The following LOC128125814 variants were observed in gnomAD, a reference collection of about 807,000 sequenced individuals.
the LOC128125814 span, among the ~76,000 whole-genome samples, chr12:57,518,617 C>T: frequency 6.6e-6 from 1 of 152,222 alleles, no homozygotes; most frequent in African/African-American, 2.4e-5. Context: ...ATCCTTCATT[C>T]CTCTTCTCTC....
chr12:57,520,217 G>A, the LOC128125814 span, among the ~76,000 whole-genome samples: 1 of 152,206 alleles, frequency 6.6e-6, no homozygotes, highest in South Asian at 2.1e-4. Flanking sequence ...CCCGTGTTCC[G>A]GCTCCGGGCA....
the LOC128125814 span, among the ~76,000 whole-genome samples, chr12:57,517,990 C>G: frequency 6.6e-6 from 1 of 152,218 alleles, no homozygotes; most frequent in African/African-American, 2.4e-5. Flanking sequence ...CCACGCCCAG[C>G]TAATTTTTGT....
the LOC128125814 span, chr12:57,517,879 T>G: frequency 2.4e-6 from 1 of 416,606 alleles, no homozygotes. Flanking sequence ...CAGGCTGAAG[T>G]GCAGTGGTGC....
the LOC128125814 span, among the ~76,000 whole-genome samples, chr12:57,520,066 C>T: frequency 1.3e-5 from 2 of 152,334 alleles, no homozygotes; most frequent in African/African-American, 2.4e-5. Context: ...GCGATGGTCA[C>T]CCAGTCTTAG....
At chr12:57,519,181 C>T in the LOC128125814 span, 1 of 533,354 alleles carries the variant, frequency 1.9e-6, no homozygotes, top group East Asian at 5.4e-5. Flanking sequence ...CAGGTCATTC[C>T]TCTGCTCAAA....
chr12:57,519,559 G>C, the LOC128125814 span, among the ~76,000 whole-genome samples: 4 of 152,196 alleles, frequency 2.6e-5, no homozygotes, highest in Non-Finnish European at 5.9e-5. Context: ...ATGCAATATT[G>C]CCCGAAGTAT....
At chr12:57,519,063 T>TA in the LOC128125814 span, 1 of 527,520 alleles carries the variant, frequency 1.9e-6, no homozygotes, top group South Asian at 1.4e-5. Context: ...CTACCATCTC[T>TA]AAATTACTGC....
At chr12:57,517,881 C>G in the LOC128125814 span, 2 of 414,760 alleles carry the variant, frequency 4.8e-6, no homozygotes, top group Non-Finnish European at 8.5e-6. Flanking sequence ...GGCTGAAGTG[C>G]AGTGGTGCGA....
chr12:57,518,384 T>A, the LOC128125814 span, among the ~76,000 whole-genome samples: 1 of 152,164 alleles, frequency 6.6e-6, no homozygotes, highest in Non-Finnish European at 1.5e-5. Context: ...TTTTCCTAAC[T>A]CCATTCCCAC....
chr12:57,519,882 C>T, the LOC128125814 span, among the ~76,000 whole-genome samples: 1 of 152,242 alleles, frequency 6.6e-6, no homozygotes, highest in Admixed American at 6.5e-5. Context: ...CCCTGTCCAT[C>T]GGCACCCCTC....
the LOC128125814 span, chr12:57,519,357 G>A: frequency 5.2e-6 from 2 of 382,716 alleles, no homozygotes; most frequent in Admixed American, 6.4e-5. Context: ...CTTATATTTT[G>A]TTTACTGTAG....
the LOC128125814 span, chr12:57,520,346 C>T: frequency 2.5e-6 from 1 of 398,314 alleles, no homozygotes; most frequent in Non-Finnish European, 4.4e-6. Context: ...GGAGTGAGGC[C>T]GATCCTAAAG....
the LOC128125814 span, among the ~76,000 whole-genome samples, chr12:57,518,221 G>T: frequency 6.6e-6 from 1 of 151,744 alleles, no homozygotes; most frequent in Non-Finnish European, 1.5e-5. Context: ...GGCAGAAGAG[G>T]GCCTGACTTT....
the LOC128125814 span, chr12:57,519,198 A>C: frequency 6.2e-5 from 33 of 533,106 alleles, no homozygotes; most frequent in Non-Finnish European, 1.1e-4. Flanking sequence ...CAAACCCTCC[A>C]ATGACTTCCT....
the LOC128125814 span, among the ~76,000 whole-genome samples, chr12:57,518,831 G>T: frequency 6.6e-6 from 1 of 151,976 alleles, no homozygotes; most frequent in Non-Finnish European, 1.5e-5. Flanking sequence ...GCTAATTTTT[G>T]TATTTTTAGT....
the LOC128125814 span, chr12:57,519,326 G>A: frequency 4.1e-5 from 17 of 414,898 alleles, no homozygotes; most frequent in Non-Finnish European, 7.3e-5. Context: ...TCCTTTCTCT[G>A]CTTTAGCTTT....
At chr12:57,517,944 G>A in the LOC128125814 span, among the ~76,000 whole-genome samples, 55 of 151,020 alleles carry the variant, frequency 3.6e-4, no homozygotes, top group African/African-American at 1.3e-3. Flanking sequence ...CTTCTGCCTC[G>A]GCCTCCCGAG....
the LOC128125814 span, among the ~76,000 whole-genome samples, chr12:57,519,802 TAA>T: frequency 6.6e-6 from 1 of 152,170 alleles, no homozygotes; most frequent in Non-Finnish European, 1.5e-5. Flanking sequence ...CTCCTACACT[TAA>T]GAGATCCAGG....
At chr12:57,519,059 T>G in the LOC128125814 span, 3 of 526,644 alleles carry the variant, frequency 5.7e-6, no homozygotes, top group African/African-American at 5.8e-5. Flanking sequence ...TTCACTACCA[T>G]CTCTAAATTA....
Sources: gnomAD v4.1 joint callset for allele counts (sites outside exome capture counted in the v4.1 genomes callset) on GRCh38, gnomAD v4.1.1 for gene constraint, MANE v1.5 for transcripts.